MGAT5: variants seen among roughly 807,000 people sequenced by gnomAD.
MGAT5 encodes the protein alpha-1,6-mannosylglycoprotein 6-beta-N-acetylglucosaminyltransferase A.
In MGAT5, 30 loss-of-function variants were observed where a neutral mutation model predicts 94.3. The ratio of observed to expected loss-of-function variants is 0.32; its 90% CI spans 0.24 to 0.43. The LOEUF is 0.43. MGAT5 is among the 20% of genes least tolerant of loss of function. MGAT5 has a pLI of 1.00. For missense variants in MGAT5, 691 were observed against 905.5 expected, an observed-to-expected ratio of 0.76 and a Z score of 3.04; for synonymous variants, 310 against 322.9, an observed-to-expected ratio of 0.96 and a Z score of 0.43.
At chr2:134,355,885 AC>A (rs1679701458) in intron 9 of MGAT5, among the ~76,000 whole-genome samples, 1 of 152,122 alleles carries the variant, frequency 6.6e-6, no homozygotes, top group Non-Finnish European at 1.5e-5. Context: ...ATTACAAGAT[AC>A]CCCATCCCTG....
intron 1 of MGAT5, among the ~76,000 whole-genome samples, chr2:134,149,830 G>C (rs1687092077): frequency 6.6e-6 from 1 of 152,216 alleles, no homozygotes; most frequent in Admixed American, 6.5e-5. Context: ...TGAGGGGCCT[G>C]GGGAGGAAGT....
chr2:134,235,641 C>T (rs905772142), intron 1 of MGAT5, among the ~76,000 whole-genome samples: 4 of 151,752 alleles, frequency 2.6e-5, no homozygotes, highest in East Asian at 1.9e-4. Context: ...ATTCATGGCA[C>T]GTTTTGCTAA....
rs953108111 is a variant in MGAT5 at position 134,231,207 on chromosome 2, A to C, written c.-142-23055A>C. On this transcript the variant is annotated intron_variant, in intron 1 of 16. Transcript: ENST00000409645. ...GTTATATGAAATTCTCTACAGCCAC[A>C]CTACCTTGAATGTGTCCAATCTGTT... 5 of 152,228 alleles carry C rather than the reference A, an allele frequency of 3.3e-5. No homozygotes were observed. The East Asian group carries it at 9.6e-4, about 29-fold the overall frequency. The allele number at this position is 152,228 out of a possible 1,614,324, so 9.4% of individuals were successfully genotyped here. A position where few individuals can be genotyped will look rare whatever the true frequency, so the allele number is the denominator to read the frequency against.
intron 1 of MGAT5, among the ~76,000 whole-genome samples, chr2:134,149,795 G>A (rs1004899958): frequency 8.5e-5 from 13 of 152,178 alleles, no homozygotes; most frequent in African/African-American, 3.1e-4. Context: ...TAACAGCAGT[G>A]GAAAAGCCCT....
chr2:134,223,740 T>C (rs1262825578), intron 1 of MGAT5, among the ~76,000 whole-genome samples: 1 of 152,210 alleles, frequency 6.6e-6, no homozygotes, highest in Non-Finnish European at 1.5e-5. Flanking sequence ...TTTAGCCTTA[T>C]TATGCTTGCC....
chr2:134,189,120 A>G lies in MGAT5; in HGVS notation c.-142-65142A>G, dbSNP rs549105164. The stretch of plus-strand genomic sequence containing the variant: ...CCAGTGAGCCTGGTGTCCAGTTTCT[A>G]TTGGGGTTTCGTTACATAGGCAGGA... On this transcript the variant is annotated intron_variant, in intron 1 of 16. Coordinates refer to the MGAT5 transcript ENST00000409645. 8.1e-4 allele frequency among the ~76,000 whole-genome samples: 123 copies of G among 152,194 alleles called. 1 individual carries two copies. Among genetic ancestry groups the G allele is most frequent in the Middle Eastern group, 3.4e-3 (1 of 294 alleles).
intron 1 of MGAT5, among the ~76,000 whole-genome samples, chr2:134,132,845 C>T (rs921753123): frequency 6.6e-6 from 1 of 152,262 alleles, no homozygotes; most frequent in Non-Finnish European, 1.5e-5. Context: ...ACTCACCCTT[C>T]TCTGTTTACT....
intron 11 of MGAT5, among the ~76,000 whole-genome samples, chr2:134,407,768 A>G (rs1283620417): frequency 6.6e-6 from 1 of 152,200 alleles, no homozygotes; most frequent in East Asian, 1.9e-4. Context: ...AATATGAAAT[A>G]ATGATACAAG....
chr2:134,248,297 T>C (rs184537813), intron 1 of MGAT5, among the ~76,000 whole-genome samples: 122 of 152,352 alleles, frequency 8.0e-4, no homozygotes, highest in African/African-American at 2.8e-3. Flanking sequence ...GTGCAAGGCA[T>C]GGCCATTGCC....
intron 6 of MGAT5, among the ~76,000 whole-genome samples, chr2:134,339,434 C>T (rs1688508138): frequency 6.6e-6 from 1 of 152,032 alleles, no homozygotes; most frequent in African/African-American, 2.4e-5. Context: ...TTGCTTCTTG[C>T]TGTTAGTTTG....
intron 1 of MGAT5, among the ~76,000 whole-genome samples, chr2:134,195,271 G>A (rs1276461777): frequency 6.6e-6 from 1 of 152,094 alleles, no homozygotes; most frequent in Non-Finnish European, 1.5e-5. Context: ...AACCTTATTA[G>A]TCATAAACAA....
At chr2:134,378,287 C>T (rs1681314314) in intron 10 of MGAT5, among the ~76,000 whole-genome samples, 1 of 152,162 alleles carries the variant, frequency 6.6e-6, no homozygotes, top group Non-Finnish European at 1.5e-5. Flanking sequence ...TATTGGGGAG[C>T]AGAATGTGTG....
At chr2:134,419,445 T>TGTGTGTGG (rs1684166153) in intron 12 of MGAT5, among the ~76,000 whole-genome samples, 1 of 92,862 alleles carries the variant, frequency 1.1e-5, no homozygotes, top group Non-Finnish European at 2.2e-5. Flanking sequence ...TCAGGGTTTG[T>TGTGTGTGG]GTGTGTGTGT....
intron 10 of MGAT5, among the ~76,000 whole-genome samples, chr2:134,377,384 C>T (rs998428697): frequency 9.2e-5 from 14 of 152,176 alleles, no homozygotes; most frequent in Non-Finnish European, 8.8e-5. Context: ...AGAAGCTTCT[C>T]CTAAAGCTTC....
chr2:134,310,841 A>G (rs1034862853), intron 2 of MGAT5, among the ~76,000 whole-genome samples: 5 of 152,204 alleles, frequency 3.3e-5, no homozygotes, highest in Admixed American at 2.0e-4. Flanking sequence ...CCACTCCTGA[A>G]GCCAAGCCAG....
intron 1 of MGAT5, among the ~76,000 whole-genome samples, chr2:134,129,677 CTTT>C (rs58781832): frequency 1.4e-5 from 2 of 145,522 alleles, no homozygotes; most frequent in East Asian, 2.0e-4. Flanking sequence ...GAGCTGAGTA[CTTT>C]TTTTTTTTTT....
chr2:134,276,030 A>G (rs1684339397), intron 2 of MGAT5, among the ~76,000 whole-genome samples: 1 of 152,186 alleles, frequency 6.6e-6, no homozygotes. Context: ...ATACTGTTAG[A>G]ATCTGGTGCC....
chr2:134,453,928 C>G lies in MGAT5; in HGVS notation c.*5081C>G, dbSNP rs1297590100. The G allele has an allele frequency of 6.6e-6, 1 of 152,222 alleles. No homozygotes were observed. The highest frequency in any genetic ancestry group is 6.5e-5 in the Admixed American group (1 of 15,284). The allele number at this position is 152,222 out of a possible 1,614,324, so 9.4% of individuals were successfully genotyped here. On this transcript the variant is annotated 3_prime_UTR_variant, in exon 16 of 16. Coordinates refer to ENST00000281923, the MANE Select transcript of MGAT5 (RefSeq NM_002410.5). ...CCTTATCTCCTGCCCTGTCTTGGCA[C>G]AACTCTGGATAGATTGCAGGTGTGG... is the stretch of plus-strand genomic sequence containing the variant.
chr2:134,152,439 G>C (rs1054699189), intron 1 of MGAT5, among the ~76,000 whole-genome samples: 1 of 130,800 alleles, frequency 7.6e-6, no homozygotes, highest in Non-Finnish European at 1.6e-5. Context: ...CCTCACTCAC[G>C]CCCTATGGGA....
Sources: gnomAD v4.1 joint callset for allele counts (sites outside exome capture counted in the v4.1 genomes callset) on GRCh38, gnomAD v4.1.1 for gene constraint, MANE v1.5 for transcripts, NCBI Gene and HGNC (gene_info 2026-07-23, HGNC 2026-07-21) for gene names.